The following SORCS1 variants were observed in gnomAD, a reference collection of about 807,000 sequenced individuals.
The protein encoded by SORCS1 is VPS10 domain-containing receptor SorCS1.
SORCS1 carries 60 observed loss-of-function variants against 146.1 expected under a neutral mutation model. The observed-to-expected ratio is 0.41, with a 90% CI of 0.33 to 0.51. The LOEUF is 0.51. SORCS1 is among the 20% of genes least tolerant of loss of function. The probability of loss-of-function intolerance (pLI) is 0.21; values close to 1 mark genes in which losing one functional copy is unlikely to be tolerated. For missense variants in SORCS1, 1,352 were observed against 1,487.6 expected (o/e 0.91, Z 1.50); for synonymous variants, 637 against 584.0 (o/e 1.09, Z -1.31).
intron 5 of SORCS1, among the ~76,000 whole-genome samples, chr10:106,755,172 T>C (rs1204141905): frequency 6.6e-6 from 1 of 152,232 alleles, no homozygotes; most frequent in Non-Finnish European, 1.5e-5. Flanking sequence ...ACCATGTTCT[T>C]TGTTCAGTGT....
intron 3 of SORCS1, among the ~76,000 whole-genome samples, chr10:106,811,705 G>C (rs887519500): frequency 6.6e-6 from 1 of 152,180 alleles, no homozygotes; most frequent in Non-Finnish European, 1.5e-5. Context: ...GCAGTACTCT[G>C]CTATAAATGG....
chr10:106,994,167 T>A (rs918874619), intron 1 of SORCS1, among the ~76,000 whole-genome samples: 2 of 151,480 alleles, frequency 1.3e-5, no homozygotes, highest in African/African-American at 4.9e-5. Flanking sequence ...TACAAGCCCA[T>A]TAAAACTAAT....
intron 2 of SORCS1, among the ~76,000 whole-genome samples, chr10:106,831,037 A>G (rs1172198277): frequency 6.6e-6 from 1 of 152,074 alleles, no homozygotes; most frequent in African/African-American, 2.4e-5. Context: ...TACTAAAAAT[A>G]CAAAAATTAG....
chr10:106,674,195 G>T (rs1271793487), intron 14 of SORCS1, among the ~76,000 whole-genome samples: 1 of 150,012 alleles, frequency 6.7e-6, no homozygotes, highest in East Asian at 1.9e-4. Flanking sequence ...CGGGCGTGGT[G>T]GCAGGCACCT....
At chr10:106,978,528 G>A (rs1390535136) in intron 1 of SORCS1, among the ~76,000 whole-genome samples, 1 of 152,108 alleles carries the variant, frequency 6.6e-6, no homozygotes, top group Non-Finnish European at 1.5e-5. Flanking sequence ...GGCCGGGCAT[G>A]GTAGCTCACG....
chr10:106,640,947 A>G (rs1780169295), intron 18 of SORCS1, among the ~76,000 whole-genome samples: 1 of 152,298 alleles, frequency 6.6e-6, no homozygotes, highest in Non-Finnish European at 1.5e-5. Context: ...TTTATTTTTA[A>G]GGCCATAATG....
At chr10:106,890,756 C>A (rs534152335) in intron 2 of SORCS1, among the ~76,000 whole-genome samples, 1 of 152,034 alleles carries the variant, frequency 6.6e-6, no homozygotes, top group South Asian at 2.1e-4. Context: ...CCTCTATGAA[C>A]CAAAGTGGAA....
chr10:107,046,103 C>T (rs1286559098), intron 1 of SORCS1, among the ~76,000 whole-genome samples: 6 of 152,148 alleles, frequency 3.9e-5, no homozygotes, highest in South Asian at 2.1e-4. Context: ...CGTGCCACCA[C>T]GCCCAGATAA....
intron 24 of SORCS1, among the ~76,000 whole-genome samples, chr10:106,580,015 C>T (rs1844809005): frequency 6.6e-6 from 1 of 151,866 alleles, no homozygotes; most frequent in South Asian, 2.1e-4. Context: ...AAACAGATTG[C>T]CAATAAAACC....
At chr10:106,850,703 C>A (rs530937837) in intron 2 of SORCS1, among the ~76,000 whole-genome samples, 1 of 152,158 alleles carries the variant, frequency 6.6e-6, no homozygotes, top group Non-Finnish European at 1.5e-5. Context: ...GTGTATGTAT[C>A]TCAAGCTCAC....
chr10:107,119,658 T>C (rs573384853), intron 1 of SORCS1, among the ~76,000 whole-genome samples: 1 of 152,318 alleles, frequency 6.6e-6, no homozygotes, highest in South Asian at 2.1e-4. Flanking sequence ...AGCCTTCAAA[T>C]ATTTTATTTT....
intron 8 of SORCS1, among the ~76,000 whole-genome samples, chr10:106,700,834 C>T (rs895102476): frequency 6.6e-6 from 1 of 152,170 alleles, no homozygotes; most frequent in Non-Finnish European, 1.5e-5. Flanking sequence ...ATATGACATA[C>T]TCAAGTTTGG....
Position 106,671,264 on chromosome 10 carries a change from C to T in SORCS1, c.2162G>A (p.Cys721Tyr). Reference protein sequence around the residue: ...KYAGAMESEPCVCTEADFDCD... With the variant: ...KYAGAMESEPYVCTEADFDCD... ...ATCAAAATCAGCCTCAGTGCAGACA[C>T]AGGGTTCAGATTCCATAGCTCCTGC... The change falls in exon 16 of 26, where the codon TGT becomes TAT. Residue 721 changes from cysteine to tyrosine, a missense_variant. By Grantham distance (194) the Cys-to-Tyr change is radical (BLOSUM62 -2). This residue lies in a region of SORCS1 where 648 missense variants were observed against 793.8 expected (regional missense o/e 0.82). Coordinates refer to ENST00000263054, the MANE Select transcript of SORCS1 (RefSeq NM_052918.5). 1 of 1,614,150 alleles carries T rather than the reference C, an allele frequency of 6.2e-7. No homozygotes were observed. The highest frequency in any genetic ancestry group is 8.5e-7 in the Non-Finnish European group (1 of 1,179,994).
intron 9 of SORCS1, among the ~76,000 whole-genome samples, chr10:106,688,574 G>C (rs999102109): frequency 6.6e-6 from 1 of 152,034 alleles, no homozygotes; most frequent in African/African-American, 2.4e-5. Flanking sequence ...GTTTGATAGG[G>C]GTTTCTTATT....
chr10:106,781,694 A>G (rs1374582801), intron 3 of SORCS1, among the ~76,000 whole-genome samples: 1 of 152,192 alleles, frequency 6.6e-6, no homozygotes, highest in Non-Finnish European at 1.5e-5. Context: ...CTGCTGACCA[A>G]TGAGGGTGGA....
At chr10:107,014,253 CA>C (rs562179526) in intron 1 of SORCS1, among the ~76,000 whole-genome samples, 154 of 79,350 alleles carry the variant, frequency 1.9e-3, no homozygotes, top group South Asian at 5.6e-3. Context: ...GACCCTGCGT[CA>C]AAAAAAAAAA....
intron 16 of SORCS1, among the ~76,000 whole-genome samples, chr10:106,670,696 A>AT (rs563511704): frequency 0.13 from 16,756 of 132,008 alleles, 1,393 homozygotes; most frequent in East Asian, 0.3. Flanking sequence ...GAATCTGCCC[A>AT]TTTTTTTTTT....
At chr10:107,058,797 C>G (rs1007193353) in intron 1 of SORCS1, among the ~76,000 whole-genome samples, 2 of 152,312 alleles carry the variant, frequency 1.3e-5, no homozygotes, top group Admixed American at 1.3e-4. Context: ...TATGAAAGTA[C>G]TGGCTGACAT....
At chr10:107,163,542 G>T (rs1969864923) in intron 1 of SORCS1, among the ~76,000 whole-genome samples, 1 of 152,164 alleles carries the variant, frequency 6.6e-6, no homozygotes, top group Non-Finnish European at 1.5e-5. Flanking sequence ...TACATATATG[G>T]GTCTTCTTAA....
Sources: gnomAD v4.1 joint callset for allele counts (sites outside exome capture counted in the v4.1 genomes callset) on GRCh38, gnomAD v4.1.1 for gene constraint, gnomAD v4.1.1 regional missense constraint, MANE v1.5 for transcripts, NCBI Gene and HGNC (gene_info 2026-07-23, HGNC 2026-07-21) for gene names.